REXO1: variants seen among roughly 807,000 people sequenced by gnomAD.
REXO1 encodes REX1, RNA exonuclease 1 homolog.
Under a neutral mutation model 102.6 loss-of-function variants are expected in REXO1, and 42 were observed. The observed-to-expected ratio is 0.41, with a 90% CI of 0.32 to 0.53. REXO1 has a LOEUF of 0.53. REXO1 is among the 20% of genes least tolerant of loss of function. REXO1 has a pLI of 0.27. For synonymous variants in REXO1, 908 were observed against 779.1 expected, an observed-to-expected ratio of 1.17 and a Z score of -2.76; for missense variants, 1,819 against 1,732.5, an observed-to-expected ratio of 1.05 and a Z score of -0.89.
intron 5 of REXO1, 31 bp downstream of exon 5, chr19:1,821,488 T>C (rs115254525): frequency 1.2e-6 from 2 of 1,609,924 alleles, no homozygotes; most frequent in Non-Finnish European, 1.7e-6. Context: ...GTCTTGGGGG[T>C]GGTGGTCCTG....
rs745740044 is a variant in REXO1, at chr19:1,819,138, G to A, written c.2651-7C>T. 7.7e-6 allele frequency: 12 copies of A among 1,555,392 alleles called. No individual in the cohort carries two copies. The highest frequency in any genetic ancestry group is 1.0e-5 in the Non-Finnish European group (12 of 1,147,044). ...ACCCTGCGGCCACTGGTTTCTGGAA[G>A]GAAGGGAGGGAGGGGAGGAGGGTGT... On this transcript the variant is annotated splice_region_variant and splice_polypyrimidine_tract_variant and intron_variant, in intron 7 of 15. Coordinates refer to ENST00000170168, the MANE Select transcript of REXO1 (RefSeq NM_020695.4).
intron 1 of REXO1, among the ~76,000 whole-genome samples, chr19:1,829,456 ACTC>A (rs2069844708): frequency 6.6e-6 from 1 of 151,502 alleles, no homozygotes; most frequent in Non-Finnish European, 1.5e-5. Flanking sequence ...CCAGTCTCGA[ACTC>A]CTGACCTCAA....
At chr19:1,846,982 G>T (rs1322310444) in intron 1 of REXO1, among the ~76,000 whole-genome samples, 1 of 152,116 alleles carries the variant, frequency 6.6e-6, no homozygotes, top group African/African-American at 2.4e-5. Context: ...CCAACTCCCA[G>T]CCCCCGCCAA....
chr19:1,834,583 C>A (rs2069988996), intron 1 of REXO1, among the ~76,000 whole-genome samples: 1 of 152,108 alleles, frequency 6.6e-6, no homozygotes, highest in Non-Finnish European at 1.5e-5. Flanking sequence ...CCAGCTAATT[C>A]TTTTCTTTTT....
intron 5 of REXO1, among the ~76,000 whole-genome samples, 174 bp downstream of exon 5, chr19:1,821,344 CA>C (rs879161137): frequency 0.032 from 2,947 of 92,492 alleles, 89 homozygotes; most frequent in African/African-American, 0.1. Flanking sequence ...GACTCCATCT[CA>C]AAAAAAAAAA....
intron 1 of REXO1, among the ~76,000 whole-genome samples, chr19:1,839,255 C>CAA (rs56278521): frequency 0.29 from 38,820 of 133,116 alleles, 5,825 homozygotes; most frequent in East Asian, 0.44. Context: ...ACTCTATCTC[C>CAA]AAAAAAAAAA....
At chr19:1,819,829 G>C in intron 7 of REXO1, 105 bp downstream of exon 7, 1 of 1,249,436 alleles carries the variant, frequency 8.0e-7, no homozygotes, top group Non-Finnish European at 1.1e-6. Context: ...TTTTGTCTGA[G>C]ACTGTGGCTG....
chr19:1,816,854 G>GGCCT, intron 12 of REXO1, 41 bp from the exon 13 acceptor site: 1 of 1,468,866 alleles, frequency 6.8e-7, no homozygotes, highest in Non-Finnish European at 9.5e-7. Context: ...CCCAGGCACC[G>GGCCT]GCCTCCCTCC....
chr19:1,840,052 G>C (rs577780295), intron 1 of REXO1, among the ~76,000 whole-genome samples: 1 of 152,208 alleles, frequency 6.6e-6, no homozygotes, highest in Non-Finnish European at 1.5e-5. Context: ...ACCCGTGACC[G>C]TTAACAGGGT....
chr19:1,831,880 AAAAG>A (rs2069915114), intron 1 of REXO1, among the ~76,000 whole-genome samples: 1 of 148,556 alleles, frequency 6.7e-6, no homozygotes, highest in Non-Finnish European at 1.5e-5. Flanking sequence ...AAGAAAAAGA[AAAAG>A]AAAAAAAGAA....
At chr19:1,839,688 G>A (rs938540431) in intron 1 of REXO1, among the ~76,000 whole-genome samples, 5 of 152,244 alleles carry the variant, frequency 3.3e-5, no homozygotes, top group East Asian at 1.9e-4. Flanking sequence ...GAGAGGGCAC[G>A]CAGCCTGCAG....
intron 1 of REXO1, among the ~76,000 whole-genome samples, chr19:1,836,866 G>T (rs369075253): frequency 1.2e-3 from 184 of 152,252 alleles, no homozygotes; most frequent in African/African-American, 4.3e-3. Context: ...CTCCAGCCCA[G>T]GCAGTGGGCC....
chr19:1,819,199 TC>T, intron 7 of REXO1, 68 bp from the exon 8 acceptor site: 3 of 1,202,724 alleles, frequency 2.5e-6, no homozygotes, highest in Non-Finnish European at 3.5e-6. Context: ...CCGCCTGCTC[TC>T]CCACCCACCC....
At chr19:1,829,999 G>A (rs1364346746) in intron 1 of REXO1, among the ~76,000 whole-genome samples, 2 of 152,202 alleles carry the variant, frequency 1.3e-5, no homozygotes, top group African/African-American at 2.4e-5. Flanking sequence ...AGACTCGCAT[G>A]TTATTTACGT....
At chr19:1,821,363 C>G (rs1381570588) in intron 5 of REXO1, among the ~76,000 whole-genome samples, 156 bp downstream of exon 5, 1 of 151,314 alleles carries the variant, frequency 6.6e-6, no homozygotes, top group African/African-American at 2.4e-5. Context: ...AAAAAAAACA[C>G]CAAGGCATGG....
intron 1 of REXO1, among the ~76,000 whole-genome samples, chr19:1,846,681 G>C (rs552691175): frequency 1.3e-5 from 2 of 152,200 alleles, no homozygotes; most frequent in Non-Finnish European, 1.5e-5. Context: ...TCGAGGCCAG[G>C]AGTTTTGAGA....
rs143298291 is a variant in REXO1 at position 1,820,007 on chromosome 19, G to A, written c.2577C>T (p.Ile859=). ...VAYDRSPSKN[I]YLNVAVNTLK... is the part of the protein sequence containing the mutation. ...GGGTGTTCACGGCCACATTCAGGTA[G>A]ATGTTCTTGCTGGGGCTGCGGTCAT... Residue 859 remains isoleucine (I), a synonymous_variant, in exon 7 of 16, where the codon ATC becomes ATT. Coordinates refer to ENST00000170168, the MANE Select transcript of REXO1 (RefSeq NM_020695.4). 2,353 of 1,601,462 alleles carry A rather than the reference G, an allele frequency of 1.5e-3. 23 individuals carry two copies. The African/African-American group carries it at 0.025, about 17-fold the overall frequency.
Position 1,819,147 on chromosome 19 carries a change from G to T in REXO1, c.2651-16C>A. 1 of 1,539,114 alleles carries T rather than the reference G, an allele frequency of 6.5e-7. No individual in the cohort carries two copies. The highest frequency in any genetic ancestry group is 8.8e-7 in the Non-Finnish European group (1 of 1,136,170). On this transcript the variant is annotated splice_polypyrimidine_tract_variant and intron_variant, in intron 7 of 15. Coordinates refer to ENST00000170168, the MANE Select transcript of REXO1 (RefSeq NM_020695.4). ...CCACTGGTTTCTGGAAGGAAGGGAGGGAGGGGAGGAGGGTGTGAAGTAGCT... is the reference window on the plus strand; with the variant it reads ...CCACTGGTTTCTGGAAGGAAGGGAGTGAGGGGAGGAGGGTGTGAAGTAGCT...
intron 5 of REXO1, among the ~76,000 whole-genome samples, chr19:1,821,211 G>T (rs2069526824): frequency 6.6e-6 from 1 of 152,106 alleles, no homozygotes; most frequent in African/African-American, 2.4e-5. Context: ...CAGGCGTGGT[G>T]GCGGGCGCCT....
Sources: gnomAD v4.1 joint callset for allele counts (sites outside exome capture counted in the v4.1 genomes callset) on GRCh38, gnomAD v4.1.1 for gene constraint, MANE v1.5 for transcripts, NCBI Gene and HGNC (gene_info 2026-07-23, HGNC 2026-07-21) for gene names.